EPHB1: variants seen among roughly 807,000 people sequenced by gnomAD.
EPHB1 encodes the protein ephrin type-B receptor 1.
Under a neutral mutation model 94.4 loss-of-function variants are expected in EPHB1, and 30 were observed. That is an observed-to-expected ratio of 0.32 (90% CI 0.24 to 0.43). The LOEUF is 0.43. Among genes scored for constraint, EPHB1 ranks in the 20% least tolerant of loss-of-function variants. EPHB1 has a pLI of 1.00. For synonymous variants in EPHB1, 522 were observed against 489.1 expected, an observed-to-expected ratio of 1.07 and a Z score of -0.89; for missense variants, 1,055 against 1,308.3, an observed-to-expected ratio of 0.81 and a Z score of 2.99.
chr3:135,135,634 G>A (rs926175398), intron 5 of EPHB1, among the ~76,000 whole-genome samples: 1 of 152,100 alleles, frequency 6.6e-6, no homozygotes, highest in Non-Finnish European at 1.5e-5. Flanking sequence ...GCTCACACTG[G>A]GTCAGATCTA....
chr3:134,926,594 A>C (rs2107702650), intron 2 of EPHB1, among the ~76,000 whole-genome samples: 2 of 152,334 alleles, frequency 1.3e-5, no homozygotes, highest in South Asian at 4.1e-4. Flanking sequence ...GAAAACACAT[A>C]AGAGGGAAGA....
chr3:135,146,473 G>C (rs1941015249), intron 5 of EPHB1, among the ~76,000 whole-genome samples: 1 of 152,212 alleles, frequency 6.6e-6, no homozygotes, highest in Non-Finnish European at 1.5e-5. Context: ...AGCATCGGGG[G>C]CTCCTGGGCC....
Position 134,826,948 on chromosome 3 carries a change from T to G in EPHB1, c.58+31259T>G, listed in dbSNP as rs1344852396. Among the ~76,000 whole-genome samples the G allele has an allele frequency of 3.3e-5, 5 of 152,226 alleles. No homozygotes were observed. In the South Asian group the frequency reaches 1.0e-3, roughly 31 times the overall value. On this transcript the variant is annotated intron_variant, in intron 1 of 15. Transcript: ENST00000398015. Reference sequence around the variant, plus strand: ...GTATTTTACCACTTTTCAACCTGGATAGCATAGTGCATGCAATAGGTTCCC... The same window carrying G: ...GTATTTTACCACTTTTCAACCTGGAGAGCATAGTGCATGCAATAGGTTCCC...
intron 6 of EPHB1, among the ~76,000 whole-genome samples, chr3:135,158,204 G>A (rs1941409969): frequency 6.6e-6 from 1 of 152,158 alleles, no homozygotes; most frequent in African/African-American, 2.4e-5. Flanking sequence ...ATAGAATTCA[G>A]CACAGTAGAT....
intron 11 of EPHB1, among the ~76,000 whole-genome samples, chr3:135,199,216 G>A (rs994377916): frequency 2.6e-5 from 4 of 152,090 alleles, no homozygotes; most frequent in Non-Finnish European, 5.9e-5. Context: ...GGAAATAATA[G>A]ACTGAATTGA....
At chr3:134,875,999 C>T (rs1326764482) in intron 1 of EPHB1, among the ~76,000 whole-genome samples, 2 of 152,168 alleles carry the variant, frequency 1.3e-5, no homozygotes, top group Non-Finnish European at 2.9e-5. Context: ...ATTCAGCTTT[C>T]GCATGGGAAA....
chr3:134,896,482 G>A (rs1009368751), intron 1 of EPHB1, among the ~76,000 whole-genome samples: 1 of 152,180 alleles, frequency 6.6e-6, no homozygotes, highest in African/African-American at 2.4e-5. Flanking sequence ...TCTTGTTGTC[G>A]TGAATATTAC....
intron 3 of EPHB1, among the ~76,000 whole-genome samples, chr3:135,081,062 A>G (rs941606612): frequency 2.6e-5 from 4 of 152,054 alleles, no homozygotes; most frequent in African/African-American, 4.8e-5. Flanking sequence ...TCTCCATCCT[A>G]TCTCCATCTA....
At chr3:135,156,124 C>T (rs1293456154) in intron 6 of EPHB1, among the ~76,000 whole-genome samples, 1 of 151,952 alleles carries the variant, frequency 6.6e-6, no homozygotes, top group East Asian at 1.9e-4. Context: ...AGAAGGTGAT[C>T]ACTGTGGGTA....
At chr3:134,795,956 TC>T (rs1448813253) in intron 1 of EPHB1, among the ~76,000 whole-genome samples, 2 of 152,180 alleles carry the variant, frequency 1.3e-5, no homozygotes, top group Non-Finnish European at 2.9e-5. Flanking sequence ...AGCCTCGGTC[TC>T]CCGCAGCCCC....
At chr3:135,253,802 G>A (rs927765930) in intron 15 of EPHB1, among the ~76,000 whole-genome samples, 2 of 152,004 alleles carry the variant, frequency 1.3e-5, no homozygotes, top group Non-Finnish European at 2.9e-5. Flanking sequence ...ATTACCTGGG[G>A]CAGTATGGCC....
intron 1 of EPHB1, among the ~76,000 whole-genome samples, chr3:134,846,412 C>A (rs564026421): frequency 1.3e-5 from 2 of 152,136 alleles, no homozygotes; most frequent in Non-Finnish European, 1.5e-5. Flanking sequence ...GCTGCCTTTG[C>A]GATACCTTCC....
intron 2 of EPHB1, among the ~76,000 whole-genome samples, chr3:134,929,935 A>G (rs922946114): frequency 2.6e-4 from 39 of 152,214 alleles, no homozygotes; most frequent in African/African-American, 9.4e-4. Flanking sequence ...CTGTCAGCCC[A>G]AAAAGGAGGG....
At chr3:135,182,012 C>T (rs944918102) in intron 10 of EPHB1, among the ~76,000 whole-genome samples, 3 of 152,208 alleles carry the variant, frequency 2.0e-5, no homozygotes, top group Non-Finnish European at 2.9e-5. Flanking sequence ...AGACCCATCT[C>T]CTTGTAATTC....
intron 3 of EPHB1, among the ~76,000 whole-genome samples, chr3:135,089,239 C>A (rs894601923): frequency 4.6e-5 from 7 of 152,334 alleles, no homozygotes; most frequent in African/African-American, 1.7e-4. Flanking sequence ...AGCCTGCATT[C>A]AATTCCCAGG....
chr3:135,053,027 G>GTGTATATATATATATATA (rs1256844091), intron 3 of EPHB1, among the ~76,000 whole-genome samples: 17 of 110,458 alleles, frequency 1.5e-4, no homozygotes, highest in East Asian at 5.2e-4. Context: ...GTGTGTGTGT[G>GTGTATATATATATATATA]TATATATATA....
intron 3 of EPHB1, among the ~76,000 whole-genome samples, chr3:135,048,673 G>C (rs543788714): frequency 6.6e-6 from 1 of 152,142 alleles, no homozygotes; most frequent in African/African-American, 2.4e-5. Flanking sequence ...CCTGCCCCTC[G>C]TGCACGCACA....
chr3:135,001,527 G>A (rs1328871029), intron 3 of EPHB1, among the ~76,000 whole-genome samples: 1 of 152,180 alleles, frequency 6.6e-6, no homozygotes, highest in Admixed American at 6.5e-5. Flanking sequence ...TTTTGAGAAG[G>A]TAAAACATTC....
chr3:134,885,504 T>G (rs771969337), intron 1 of EPHB1, among the ~76,000 whole-genome samples: 3 of 152,142 alleles, frequency 2.0e-5, no homozygotes, highest in African/African-American at 7.2e-5. Flanking sequence ...CCAACGTCCA[T>G]GTATTTGAGA....
Sources: allele counts gnomAD v4.1 joint callset (sites outside exome capture counted in the v4.1 genomes callset), GRCh38; gene constraint gnomAD v4.1.1; transcripts MANE v1.5; gene names NCBI Gene and HGNC (gene_info 2026-07-23, HGNC 2026-07-21).